Variants in TRPS1 observed in about 807,000 individuals in gnomAD.
TRPS1 encodes zinc finger transcription factor Trps1.
TRPS1 carries 6 observed loss-of-function variants against 101.2 expected under a neutral mutation model. That is an observed-to-expected ratio of 0.06 (90% CI 0.03 to 0.12). The LOEUF (loss-of-function observed/expected upper bound fraction) is 0.12, where lower values mean the gene tolerates loss of function less well. Among genes scored for constraint, TRPS1 ranks in the 10% least tolerant of loss-of-function variants. TRPS1 has a pLI of 1.00. For synonymous variants in TRPS1, 578 were observed against 589.8 expected (o/e 0.98, Z 0.29); for missense variants, 1,363 against 1,567.0 (o/e 0.87, Z 2.20).
At chr8:115,426,007 A>G (rs1813177496) in intron 5 of TRPS1, among the ~76,000 whole-genome samples, 1 of 152,190 alleles carries the variant, frequency 6.6e-6, no homozygotes. Context: ...TTATGTCTGC[A>G]CTGTCTTTTT....
chr8:115,622,449 C>T (rs1012120543), intron 2 of TRPS1, among the ~76,000 whole-genome samples: 3 of 152,046 alleles, frequency 2.0e-5, no homozygotes, highest in Non-Finnish European at 4.4e-5. Context: ...GCAAAATATG[C>T]ATGGTTTTAA....
chr8:115,603,772 T>C (rs1389474870), intron 4 of TRPS1, 101 bp downstream of exon 4: 8 of 1,399,690 alleles, frequency 5.7e-6, no homozygotes, highest in Middle Eastern at 2.4e-4. Context: ...CCCCAAGTCA[T>C]TGGAATCACT....
intron 5 of TRPS1, among the ~76,000 whole-genome samples, chr8:115,506,261 C>T (rs1285885325): frequency 1.3e-5 from 2 of 151,522 alleles, no homozygotes; most frequent in Non-Finnish European, 3.0e-5. Flanking sequence ...GAAAAAAAAA[C>T]ATGGGGGTGA....
intron 1 of TRPS1, among the ~76,000 whole-genome samples, chr8:115,667,665 T>C (rs557171003): frequency 1.3e-5 from 2 of 152,162 alleles, no homozygotes; most frequent in South Asian, 4.1e-4. Flanking sequence ...GGCCAAGCTG[T>C]CCTGAGCCGC....
At chr8:115,573,871 A>G (rs1251627713) in intron 5 of TRPS1, among the ~76,000 whole-genome samples, 1 of 152,126 alleles carries the variant, frequency 6.6e-6, no homozygotes, top group Non-Finnish European at 1.5e-5. Flanking sequence ...CTTACCCTTC[A>G]TGCTGTCATA....
chr8:115,659,303 G>A (rs1019198277), intron 1 of TRPS1, among the ~76,000 whole-genome samples: 2 of 151,808 alleles, frequency 1.3e-5, no homozygotes, highest in East Asian at 3.9e-4. Context: ...TTGCAGAACT[G>A]AGGAGCAAAT....
intron 5 of TRPS1, among the ~76,000 whole-genome samples, chr8:115,444,139 C>T (rs1334560373): frequency 4.6e-5 from 7 of 152,220 alleles, no homozygotes; most frequent in Non-Finnish European, 8.8e-5. Context: ...GGATCACATG[C>T]CAGCTACAAA....
At chr8:115,576,729 C>T (rs1171875545) in intron 5 of TRPS1, among the ~76,000 whole-genome samples, 1 of 152,138 alleles carries the variant, frequency 6.6e-6, no homozygotes, top group Non-Finnish European at 1.5e-5. Context: ...AGCATACCTA[C>T]CTCCAAACCC....
rs769248556 is a variant in TRPS1, at chr8:115,604,128, T to C, written c.1841A>G (p.His614Arg). The C allele has an allele frequency of 1.9e-6, 3 of 1,614,098 alleles. No homozygotes were observed. The highest frequency in any genetic ancestry group is 1.3e-5 in the African/African-American group (1 of 75,040). ...NCSHCALLLL[H>R]LSPGAAGSSR... ...GCTTCCAGCCGCCCCAGGAGACAAGTGCAGAAGCAAGAGTGCACAGTGGGA... is the reference window on the plus strand; with the variant it reads ...GCTTCCAGCCGCCCCAGGAGACAAGCGCAGAAGCAAGAGTGCACAGTGGGA... Residue 614 changes from histidine to arginine, a missense_variant, in exon 4 of 7, where the codon CAC becomes CGC. Transcript: ENST00000395715. This position sits in a 1 kb window ranked among gnomAD's most constrained non-coding sequence, Gnocchi z 4.1.
At position 115,604,629 on chromosome 8, in the gene TRPS1, T is replaced by C; in HGVS notation, c.1340A>G (p.Tyr447Cys). ...RQNGTEATSY[Y>C]WCKFCSFSCE... Reference sequence around the variant, plus strand: ...GCTGAAACTACAAAATTTACACCAGTAGTAACTGGTGGCCTCTGTACCATT... The same window carrying C: ...GCTGAAACTACAAAATTTACACCAGCAGTAACTGGTGGCCTCTGTACCATT... Residue 447 changes from tyrosine to cysteine, a missense_variant, in exon 4 of 7, where the codon TAC (tyrosine) becomes TGC (cysteine). Transcript: ENST00000395715. The surrounding 1 kb of genome is among the most constrained non-coding windows in gnomAD (Gnocchi z 4.1). 1 of 1,613,940 alleles carries C rather than the reference T, an allele frequency of 6.2e-7. No individual in the cohort carries two copies. The highest frequency in any genetic ancestry group is 1.1e-5 in the South Asian group (1 of 91,068).
At chr8:115,645,985 A>T (rs959212100) in intron 1 of TRPS1, among the ~76,000 whole-genome samples, 3 of 152,274 alleles carry the variant, frequency 2.0e-5, no homozygotes, top group Admixed American at 6.5e-5. Flanking sequence ...TAGAATGCTC[A>T]GTTTGTTCCT....
intron 5 of TRPS1, among the ~76,000 whole-genome samples, chr8:115,494,985 T>C (rs554189176): frequency 1.7e-4 from 26 of 152,312 alleles, no homozygotes; most frequent in African/African-American, 6.3e-4. Context: ...GTATCTGATG[T>C]GCTCCTGACC....
At chr8:115,531,195 G>T (rs1408078889) in intron 5 of TRPS1, among the ~76,000 whole-genome samples, 2 of 152,290 alleles carry the variant, frequency 1.3e-5, no homozygotes, top group Non-Finnish European at 2.9e-5. Context: ...AAAAACGAAT[G>T]ATATAGGTGC....
chr8:115,630,865 A>T (rs973402486), intron 1 of TRPS1, among the ~76,000 whole-genome samples: 1 of 152,098 alleles, frequency 6.6e-6, no homozygotes, highest in Admixed American at 6.6e-5. Flanking sequence ...TGCATTTCTC[A>T]TAATCACTTT....
At chr8:115,610,074 G>A (rs763294302) in intron 3 of TRPS1, among the ~76,000 whole-genome samples, 1 of 152,054 alleles carries the variant, frequency 6.6e-6, no homozygotes, top group East Asian at 1.9e-4. Flanking sequence ...TATTTTCAAC[G>A]CAGCAAAGAA....
chr8:115,447,144 C>T (rs1431256628), intron 5 of TRPS1, among the ~76,000 whole-genome samples: 1 of 152,130 alleles, frequency 6.6e-6, no homozygotes, highest in African/African-American at 2.4e-5. Context: ...TTGAGAGTCA[C>T]TTCCAGTCTT....
intron 1 of TRPS1, among the ~76,000 whole-genome samples, chr8:115,652,386 G>A (rs1331717086): frequency 1.3e-5 from 2 of 152,190 alleles, no homozygotes; most frequent in Non-Finnish European, 2.9e-5. Flanking sequence ...TTATTTTTAT[G>A]TCTGAGTAGG....
intron 4 of TRPS1, among the ~76,000 whole-genome samples, chr8:115,588,206 A>T (rs1817610512): frequency 6.6e-6 from 1 of 152,204 alleles, no homozygotes; most frequent in South Asian, 2.1e-4. Flanking sequence ...ATCATTATCA[A>T]ATTATTAAAT....
chr8:115,570,196 T>C (rs1169046216), intron 5 of TRPS1, among the ~76,000 whole-genome samples: 2 of 152,052 alleles, frequency 1.3e-5, no homozygotes, highest in Non-Finnish European at 2.9e-5. Flanking sequence ...ATTGCTGTAA[T>C]TGATTTTTTC....
Sources: gnomAD v4.1 joint callset for allele counts (sites outside exome capture counted in the v4.1 genomes callset) on GRCh38, gnomAD v4.1.1 for gene constraint, Gnocchi (gnomAD v3.1) non-coding constraint, MANE v1.5 for transcripts, NCBI Gene and HGNC (gene_info 2026-07-23, HGNC 2026-07-21) for gene names.